Variants in TANK observed in about 807,000 individuals in gnomAD.
TANK encodes TRAF family member associated NFKB activator, also known as TRAF family member-associated NF-kappa-B activator.
Under a neutral mutation model 43.6 loss-of-function variants are expected in TANK, and 15 were observed. That is an observed-to-expected ratio of 0.34 (90% CI 0.23 to 0.53). The LOEUF is 0.53. TANK is among the 20% of genes least tolerant of loss of function. TANK has a pLI of 0.94. For missense variants in TANK, 417 were observed against 498.6 expected, an observed-to-expected ratio of 0.84 and a Z score of 1.56; for synonymous variants, 162 against 178.2, an observed-to-expected ratio of 0.91 and a Z score of 0.73.
At chr2:161,217,393 T>C (rs1466654544) in intron 4 of TANK, among the ~76,000 whole-genome samples, 1 of 152,206 alleles carries the variant, frequency 6.6e-6, no homozygotes, top group East Asian at 1.9e-4. Context: ...TTCTTGGTTC[T>C]TCCAGCCAGA....
chr2:161,199,588 G>C (rs1414100436), intron 2 of TANK, among the ~76,000 whole-genome samples: 1 of 152,136 alleles, frequency 6.6e-6, no homozygotes, highest in Admixed American at 6.5e-5. Context: ...AGGAAATACT[G>C]AAATTTTGCC....
At position 161,201,041 on chromosome 2, in the gene TANK, A is replaced by G. The variant is rs935121249; in HGVS notation, c.100-2446A>G. 3 of 934,204 alleles carry G rather than the reference A, an allele frequency of 3.2e-6. No homozygotes were observed. In the Admixed American group the frequency reaches 1.9e-4, roughly 58 times the overall value. The allele number at this position is 934,204 out of a possible 1,614,324, so 57.9% of individuals were successfully genotyped here. A position where few individuals can be genotyped will look rare whatever the true frequency, so the allele number is the denominator to read the frequency against. The stretch of plus-strand genomic sequence containing the variant: ...AGTTCAGTCTAGAGGGAAATCAGAC[A>G]TTAGACAATTAGACTAGAATATTAT... On this transcript the variant is annotated intron_variant, in intron 2 of 7. Coordinates refer to ENST00000392749, the MANE Select transcript of TANK (RefSeq NM_001199135.3).
At chr2:161,137,494 TG>T (rs1391096829) in intron 1 of TANK, among the ~76,000 whole-genome samples, 3 of 152,230 alleles carry the variant, frequency 2.0e-5, no homozygotes, top group Non-Finnish European at 4.4e-5. Context: ...AGTTTATATC[TG>T]GAATGAGAGC....
At chr2:161,183,341 G>A (rs975716139) in intron 2 of TANK, among the ~76,000 whole-genome samples, 6 of 152,056 alleles carry the variant, frequency 3.9e-5, no homozygotes, top group African/African-American at 1.2e-4. Flanking sequence ...TTGAAATGAA[G>A]TTTAGAATTT....
At chr2:161,224,068 C>A in intron 5 of TANK, 77 bp downstream of exon 5, 2 of 1,020,340 alleles carry the variant, frequency 2.0e-6, no homozygotes, top group South Asian at 1.9e-5. Flanking sequence ...TTTTTTTAAG[C>A]TTTAACAATT....
At chr2:161,198,666 A>G (rs2105335092) in intron 2 of TANK, among the ~76,000 whole-genome samples, 1 of 152,364 alleles carries the variant, frequency 6.6e-6, no homozygotes, top group Non-Finnish European at 1.5e-5. Flanking sequence ...CCTTCAGGTA[A>G]GTATAATTTT....
At chr2:161,227,763 T>G (rs1339776386) in intron 6 of TANK, among the ~76,000 whole-genome samples, 1 of 152,222 alleles carries the variant, frequency 6.6e-6, no homozygotes, top group Non-Finnish European at 1.5e-5. Flanking sequence ...AACAGTTGGT[T>G]TTCCTGATTT....
intron 2 of TANK, among the ~76,000 whole-genome samples, chr2:161,186,016 C>A (rs1685647397): frequency 1.3e-5 from 2 of 151,968 alleles, no homozygotes; most frequent in African/African-American, 2.4e-5. Context: ...AAATTATGAA[C>A]AAAATTAGCT....
intron 1 of TANK, chr2:161,160,698 G>C: frequency 1.9e-6 from 1 of 514,836 alleles, no homozygotes; most frequent in Non-Finnish European, 3.6e-6. Flanking sequence ...ACTCCTTGTG[G>C]GTTGGTTTCC....
chr2:161,160,579 G>C, intron 1 of TANK, 93 bp downstream of exon 1: 1 of 1,055,820 alleles, frequency 9.5e-7, no homozygotes, highest in Non-Finnish European at 1.3e-6. Context: ...CGCGCTGACA[G>C]TAGGGGCGCC....
intron 2 of TANK, among the ~76,000 whole-genome samples, chr2:161,197,978 C>T (rs1686230962): frequency 6.6e-6 from 1 of 152,004 alleles, no homozygotes; most frequent in African/African-American, 2.4e-5. Context: ...ATCCCAAAAG[C>T]CCCCAAAAGA....
chr2:161,204,600 A>G lies in TANK; in HGVS notation c.209-75A>G, dbSNP rs771992779. ...ATTCTCTTTATGGTTTTGAGTTTGT[A>G]TTATTTTTTGCTTTTTCAGGTGGTA... is the stretch of plus-strand genomic sequence containing the variant. On this transcript the variant is annotated intron_variant, in intron 3 of 7. Transcript: ENST00000392749. 1.8e-4 allele frequency: 245 copies of G among 1,356,172 alleles called. No homozygotes were observed. In the Middle Eastern group the frequency reaches 2.3e-3, roughly 13 times the overall value. The allele number at this position is 1,356,172 out of a possible 1,614,324, so 84.0% of individuals were successfully genotyped here.
chr2:161,180,310 T>C (rs16845690), intron 2 of TANK: 7,670 of 201,434 alleles, frequency 0.038, 262 homozygotes, highest in East Asian at 0.18. Flanking sequence ...ATAACATTTA[T>C]TTTTAGTACT....
At chr2:161,150,459 CT>C (rs1196288063) in intron 1 of TANK, among the ~76,000 whole-genome samples, 1 of 151,832 alleles carries the variant, frequency 6.6e-6, no homozygotes, top group Non-Finnish European at 1.5e-5. Flanking sequence ...TGTGTTTCTA[CT>C]CTCTGTTTCA....
upstream of TANK, among the ~76,000 whole-genome samples, chr2:161,156,813 T>G (rs1684238882): frequency 6.6e-6 from 1 of 152,220 alleles, no homozygotes; most frequent in African/African-American, 2.4e-5. Context: ...AGCTAGTTAT[T>G]TTACTATAAA....
intron 2 of TANK, among the ~76,000 whole-genome samples, chr2:161,185,786 G>A (rs1273888473): frequency 6.6e-6 from 1 of 151,420 alleles, no homozygotes; most frequent in Non-Finnish European, 1.5e-5. Context: ...TGGGTGTAGC[G>A]CACCAGCATG....
intron 4 of TANK, among the ~76,000 whole-genome samples, chr2:161,215,050 C>T (rs554227364): frequency 5.3e-5 from 8 of 152,164 alleles, no homozygotes; most frequent in East Asian, 3.9e-4. Flanking sequence ...GAAAAGGCTC[C>T]GGTAAAGAAC....
chr2:161,168,486 C>A (rs1442597218), intron 1 of TANK, among the ~76,000 whole-genome samples: 1 of 152,008 alleles, frequency 6.6e-6, no homozygotes, highest in Non-Finnish European at 1.5e-5. Flanking sequence ...CCTGAAATTT[C>A]AGAATCCTAG....
intron 1 of TANK, among the ~76,000 whole-genome samples, chr2:161,151,301 A>G (rs994573455): frequency 1.3e-5 from 2 of 151,898 alleles, no homozygotes; most frequent in Non-Finnish European, 2.9e-5. Flanking sequence ...GGTTTATACT[A>G]TTTTTCAAGT....
Sources: allele counts gnomAD v4.1 joint callset (sites outside exome capture counted in the v4.1 genomes callset), GRCh38; gene constraint gnomAD v4.1.1; transcripts MANE v1.5; gene names NCBI Gene and HGNC (gene_info 2026-07-23, HGNC 2026-07-21).